ERBB4: variants seen among roughly 807,000 people sequenced by gnomAD.
The protein encoded by ERBB4 is erb-b2 receptor tyrosine kinase 4, also known as receptor tyrosine-protein kinase erbB-4.
ERBB4 carries 42 observed loss-of-function variants against 158.0 expected under a neutral mutation model. The ratio of observed to expected loss-of-function variants is 0.27; its 90% confidence interval spans 0.21 to 0.34. ERBB4 has a LOEUF of 0.34. Ranked by LOEUF, ERBB4 falls within the 10% of genes least tolerant of loss-of-function variation. The probability of loss-of-function intolerance (pLI) is 1.00; values close to 1 mark genes in which losing one functional copy is unlikely to be tolerated. For synonymous variants in ERBB4, 583 were observed against 558.7 expected (o/e 1.04, Z -0.61); for missense variants, 1,333 against 1,624.1 (o/e 0.82, Z 3.08).
At chr2:211,735,812 T>G (rs1402732501) in intron 5 of ERBB4, among the ~76,000 whole-genome samples, 1 of 151,940 alleles carries the variant, frequency 6.6e-6, no homozygotes, top group African/African-American at 2.4e-5. Context: ...CAGAAGAATA[T>G]GTTTTGCTTT....
At chr2:211,560,105 A>T (rs1012910507) in intron 20 of ERBB4, among the ~76,000 whole-genome samples, 1 of 152,084 alleles carries the variant, frequency 6.6e-6, no homozygotes, top group Non-Finnish European at 1.5e-5. Context: ...GCAAAAAGGT[A>T]TAAAACTAAT....
At chr2:211,601,545 A>G (rs1354344150) in intron 19 of ERBB4, among the ~76,000 whole-genome samples, 1 of 152,138 alleles carries the variant, frequency 6.6e-6, no homozygotes, top group Non-Finnish European at 1.5e-5. Context: ...AATACCAGAC[A>G]GGAGAAAAGA....
chr2:212,495,483 C>T (rs1483875514), intron 1 of ERBB4, among the ~76,000 whole-genome samples: 1 of 152,178 alleles, frequency 6.6e-6, no homozygotes, highest in Admixed American at 6.6e-5. Flanking sequence ...CTACTAGCAA[C>T]TAATTAAAGG....
chr2:211,556,677 C>T (rs1007598695), intron 20 of ERBB4, among the ~76,000 whole-genome samples: 1 of 152,086 alleles, frequency 6.6e-6, no homozygotes, highest in Non-Finnish European at 1.5e-5. Context: ...CCATAACAAA[C>T]ACTCTCTCAG....
At chr2:212,476,562 G>T (rs1351973736) in intron 1 of ERBB4, among the ~76,000 whole-genome samples, 2 of 152,086 alleles carry the variant, frequency 1.3e-5, no homozygotes, top group African/African-American at 2.4e-5. Context: ...TATTTCTGAA[G>T]ATTTCTAAAA....
At chr2:212,478,109 T>C (rs1689499987) in intron 1 of ERBB4, among the ~76,000 whole-genome samples, 1 of 152,158 alleles carries the variant, frequency 6.6e-6, no homozygotes, top group Admixed American at 6.6e-5. Context: ...TCATTCAAGT[T>C]CATTATTCTG....
intron 16 of ERBB4, among the ~76,000 whole-genome samples, chr2:211,634,474 T>C (rs536017803): frequency 6.6e-6 from 1 of 152,306 alleles, no homozygotes; most frequent in African/African-American, 2.4e-5. Context: ...GATTCCTAGA[T>C]GTTTGTAAGT....
At chr2:212,390,757 A>G (rs1263660087) in intron 1 of ERBB4, among the ~76,000 whole-genome samples, 1 of 151,756 alleles carries the variant, frequency 6.6e-6, no homozygotes, top group Non-Finnish European at 1.5e-5. Context: ...TATCTTCCAC[A>G]AGTCTTTTTA....
chr2:211,585,998 G>A (rs2068263669), intron 19 of ERBB4, among the ~76,000 whole-genome samples: 1 of 152,086 alleles, frequency 6.6e-6, no homozygotes, highest in Admixed American at 6.5e-5. Context: ...ATTTTCCAAA[G>A]TTCAAGAAAT....
At chr2:212,066,347 T>C (rs1559429284) in intron 2 of ERBB4, among the ~76,000 whole-genome samples, 1 of 152,060 alleles carries the variant, frequency 6.6e-6, no homozygotes, top group Non-Finnish European at 1.5e-5. Flanking sequence ...TTTGTTTTAA[T>C]AGTCTCAAAT....
chr2:211,890,701 A>G, intron 3 of ERBB4, among the ~76,000 whole-genome samples: 1 of 134,072 alleles, frequency 7.5e-6, no homozygotes, highest in Admixed American at 7.4e-5. Context: ...AAATAAAAGG[A>G]TGGAGGAAGA....
chr2:212,345,525 A>G (rs1220479319), intron 1 of ERBB4, among the ~76,000 whole-genome samples: 3 of 152,034 alleles, frequency 2.0e-5, no homozygotes, highest in African/African-American at 7.2e-5. Context: ...AAAAATGGAG[A>G]AACTACCTAG....
At chr2:212,450,912 G>A (rs1369349324) in intron 1 of ERBB4, among the ~76,000 whole-genome samples, 2 of 151,222 alleles carry the variant, frequency 1.3e-5, no homozygotes, top group African/African-American at 4.9e-5. Context: ...GACCTCTTGA[G>A]CCTAGGAGTT....
At chr2:212,412,272 C>A (rs1395500535) in intron 1 of ERBB4, among the ~76,000 whole-genome samples, 1 of 152,116 alleles carries the variant, frequency 6.6e-6, no homozygotes, top group East Asian at 1.9e-4. Context: ...GTGTCCCCAC[C>A]AAATCTCATG....
chr2:211,547,078 A>T (rs2066960111), intron 20 of ERBB4, among the ~76,000 whole-genome samples: 1 of 152,084 alleles, frequency 6.6e-6, no homozygotes, highest in African/African-American at 2.4e-5. Flanking sequence ...GTGTAAAACC[A>T]GTGAATCTGA....
At chr2:212,421,191 C>T (rs550254010) in intron 1 of ERBB4, among the ~76,000 whole-genome samples, 1 of 152,128 alleles carries the variant, frequency 6.6e-6, no homozygotes, top group South Asian at 2.1e-4. Flanking sequence ...TAAGAAGGTC[C>T]TTACGAAGAC....
rs79121656 is a variant in ERBB4 at position 212,035,331 on chromosome 2, A to G, written c.235-87715T>C. On this transcript the variant is annotated intron_variant, in intron 2 of 27. Transcript: ENST00000342788. ...TTTGGGTTAATGTCAAATAGCTTAT[A>G]GATGATTGAATACACTGTGTTGCTT... Among the ~76,000 whole-genome samples the G allele has an allele frequency of 1.5e-3, 229 of 152,290 alleles. 1 individual carries two copies. The highest frequency in any genetic ancestry group is 5.1e-3 in the African/African-American group (213 of 41,570).
At chr2:211,389,563 T>C (rs1412372590) in intron 25 of ERBB4, among the ~76,000 whole-genome samples, 1 of 152,176 alleles carries the variant, frequency 6.6e-6, no homozygotes, top group Non-Finnish European at 1.5e-5. Flanking sequence ...GGTATTAGAA[T>C]ATTTATCTAT....
chr2:212,019,977 T>C (rs990156299), intron 2 of ERBB4, among the ~76,000 whole-genome samples: 2 of 152,054 alleles, frequency 1.3e-5, no homozygotes, highest in Admixed American at 6.6e-5. Context: ...GTAAATTTTA[T>C]AATTATAAGA....
Sources: allele counts gnomAD v4.1 joint callset (sites outside exome capture counted in the v4.1 genomes callset), GRCh38; gene constraint gnomAD v4.1.1; transcripts MANE v1.5; gene names NCBI Gene and HGNC (gene_info 2026-07-23, HGNC 2026-07-21).